The following USP50 variants were observed in gnomAD, a reference collection of about 807,000 sequenced individuals.
The protein encoded by USP50 is ubiquitin specific peptidase 50.
USP50 carries 37 observed loss-of-function variants against 39.2 expected under a neutral mutation model. The ratio of observed to expected loss-of-function variants is 0.94; its 90% CI spans 0.73 to 1.24. The LOEUF is 1.24. USP50 is among the 50% of genes most tolerant of loss of function. USP50 has a pLI of 0.00. For missense variants in USP50, 374 were observed against 398.2 expected (o/e 0.94, Z 0.52); for synonymous variants, 139 against 144.5 (o/e 0.96, Z 0.27).
At chr15:50,533,058 C>A (rs563165744) in intron 5 of USP50, among the ~76,000 whole-genome samples, 1 of 151,930 alleles carries the variant, frequency 6.6e-6, no homozygotes, top group Admixed American at 6.6e-5. Context: ...TGTATCCCAG[C>A]GCTTTGGGAG....
At chr15:50,506,923 A>C (rs2052668891) in intron 6 of USP50, 2 of 129,290 alleles carry the variant, frequency 1.5e-5, no homozygotes, top group African/African-American at 5.8e-5. Context: ...GTGCCACTGC[A>C]TTCCAGCCTG....
At chr15:50,543,474 G>A in intron 3 of USP50, 124 bp downstream of exon 3, 1 of 872,434 alleles carries the variant, frequency 1.1e-6, no homozygotes, top group Non-Finnish European at 1.8e-6. Flanking sequence ...TTCTCCATGG[G>A]ACACCTAGCA....
chr15:50,497,290 T>C, downstream of USP50: 4 of 1,543,460 alleles, frequency 2.6e-6, no homozygotes, highest in African/African-American at 1.4e-5. Context: ...TTTTAAGTTC[T>C]GTGTAATTTA....
At chr15:50,542,424 C>T (rs1041985557) in intron 3 of USP50, among the ~76,000 whole-genome samples, 2 of 150,162 alleles carry the variant, frequency 1.3e-5, no homozygotes, top group African/African-American at 2.4e-5. Flanking sequence ...GCCCACTCAC[C>T]TCTTTTCTTA....
At chr15:50,496,584 A>AAGAT (rs1283687388), downstream of USP50, among the ~76,000 whole-genome samples, 3 of 152,142 alleles carry the variant, frequency 2.0e-5, no homozygotes, top group African/African-American at 7.2e-5. Flanking sequence ...TTCTTTTTTA[A>AAGAT]AGATACCTTT....
chr15:50,546,511 C>A lies in USP50; in HGVS notation c.15G>T (p.Pro5=). The change falls in exon 1 of 7, where the codon CCG becomes CCT. Residue 5 remains proline (P), a synonymous_variant. Transcript: ENST00000532404. ...TATCGAAGTCATCTGCAGGGAGAGA[C>A]GGCTGAGAAGTCATTTTAATGGAAC... The part of the protein sequence containing the change: MTSQ[P]SLPADDFDIY... 6.2e-7 allele frequency: 1 copy of A among 1,613,630 alleles called. No homozygotes were observed. The highest frequency in any genetic ancestry group is 8.5e-7 in the Non-Finnish European group (1 of 1,179,610).
At chr15:50,543,572 A>AT (rs764351384) in intron 3 of USP50, 26 bp downstream of exon 3, 3 of 1,592,380 alleles carry the variant, frequency 1.9e-6, no homozygotes, top group Non-Finnish European at 2.6e-6. Flanking sequence ...GGACTATCCT[A>AT]TTTCAAGGTC....
intron 5 of USP50, chr15:50,532,195 C>A: frequency 4.4e-6 from 2 of 456,206 alleles, no homozygotes; most frequent in South Asian, 3.1e-5. Flanking sequence ...CACACTCGCA[C>A]GGTAAATATT....
At position 50,521,411 on chromosome 15, in the gene USP50, A is replaced by C. The variant is rs529147510; in HGVS notation, c.936+8386T>G. On this transcript the variant is annotated intron_variant, in intron 6 of 6. Coordinates refer to ENST00000532404, the MANE Select transcript of USP50 (RefSeq NM_203494.5). ...AATACCACATGTACCTTGTATGTAC[A>C]ATTATTATGTATTAATTTTAAAAAC... is the stretch of plus-strand genomic sequence containing the variant. Among the ~76,000 whole-genome samples the C allele has an allele frequency of 2.0e-5, 3 of 152,252 alleles. No homozygotes were observed. The East Asian group carries it at 5.8e-4, about 29-fold the overall frequency.
chr15:50,529,025 G>A (rs531247324), intron 6 of USP50, among the ~76,000 whole-genome samples: 6 of 152,128 alleles, frequency 3.9e-5, no homozygotes, highest in Non-Finnish European at 5.9e-5. Flanking sequence ...TATGAGTTCC[G>A]GTGGTTTGGT....
downstream of USP50, chr15:50,495,982 A>G: frequency 6.2e-7 from 1 of 1,614,014 alleles, no homozygotes. Flanking sequence ...GTCAATTCAA[A>G]TCTACAGTAC....
At chr15:50,538,374 T>C (rs1218787076) in intron 5 of USP50, among the ~76,000 whole-genome samples, 2 of 151,352 alleles carry the variant, frequency 1.3e-5, no homozygotes, top group Non-Finnish European at 2.9e-5. Flanking sequence ...CAGACCTTCA[T>C]TGAAGTATCT....
rs779912270 is a variant in USP50 at position 50,543,762 on chromosome 15, A to T, written c.280T>A (p.Tyr94Asn). Residue 94 changes from tyrosine to asparagine, a missense_variant, in exon 3 of 7, where the codon TAT (tyrosine) becomes AAT (asparagine). Transcript: ENST00000532404. ...CCCAGCCACATGTCTGTCATCAGAT[A>T]GGCAAAAGCAGTGGCAACTTCACTG... is the stretch of plus-strand genomic sequence containing the variant. ...DCSEVATAFA[Y>N]LMTDMWLGDS... 1 of 1,609,614 alleles carries T rather than the reference A, an allele frequency of 6.2e-7. No homozygotes were observed.
At chr15:50,543,947 G>T (rs1006645095) in intron 2 of USP50, 154 bp from the exon 3 acceptor site, 4 of 690,098 alleles carry the variant, frequency 5.8e-6, no homozygotes, top group Middle Eastern at 3.3e-4. Flanking sequence ...AGGATAGCTT[G>T]AGCCCCCAGA....
At chr15:50,520,882 A>G (rs2052844683) in intron 6 of USP50, among the ~76,000 whole-genome samples, 1 of 152,204 alleles carries the variant, frequency 6.6e-6, no homozygotes, top group East Asian at 1.9e-4. Flanking sequence ...GATAGAAGGA[A>G]TAAGTTCTAG....
At chr15:50,545,551 GATAT>G (rs147313549) in intron 1 of USP50, among the ~76,000 whole-genome samples, 1 of 150,550 alleles carries the variant, frequency 6.6e-6, no homozygotes, top group East Asian at 1.9e-4. Flanking sequence ...CTATATATGT[GATAT>G]ATATGTATAT....
chr15:50,538,604 TATC>T (rs2053002194), intron 5 of USP50, 102 bp downstream of exon 5: 1 of 1,203,394 alleles, frequency 8.3e-7, no homozygotes, highest in Non-Finnish European at 1.1e-6. Context: ...ATATACCAAA[TATC>T]ATTGAATTGT....
intron 4 of USP50, among the ~76,000 whole-genome samples, chr15:50,539,677 G>A (rs895832695): frequency 1.3e-5 from 2 of 152,198 alleles, no homozygotes; most frequent in Non-Finnish European, 2.9e-5. Context: ...GCCTCCCAAA[G>A]TGCTGGGATT....
downstream of USP50, chr15:50,498,698 T>A: frequency 6.2e-7 from 1 of 1,611,694 alleles, no homozygotes; most frequent in Non-Finnish European, 8.5e-7. Flanking sequence ...CAAAGAACAA[T>A]TTGAAGAAAT....
Sources: allele counts gnomAD v4.1 joint callset (sites outside exome capture counted in the v4.1 genomes callset), GRCh38; gene constraint gnomAD v4.1.1; transcripts MANE v1.5; gene names NCBI Gene and HGNC (gene_info 2026-07-23, HGNC 2026-07-21).